PIPOX: variants seen among roughly 807,000 people sequenced by gnomAD.
The protein encoded by PIPOX is peroxisomal sarcosine oxidase.
PIPOX carries 45 observed loss-of-function variants against 47.9 expected under a neutral mutation model. The ratio of observed to expected loss-of-function variants is 0.94; its 90% confidence interval spans 0.74 to 1.20. The LOEUF (loss-of-function observed/expected upper bound fraction) is 1.20. Ranked by LOEUF, PIPOX falls within the 50% of genes most tolerant of loss-of-function variation. The probability of loss-of-function intolerance (pLI) is 0.00; values close to 1 mark genes in which losing one functional copy is unlikely to be tolerated. For synonymous variants in PIPOX, 165 were observed against 191.3 expected (o/e 0.86, Z 1.13); for missense variants, 458 against 498.4 (o/e 0.92, Z 0.77).
intron 2 of PIPOX, 47 bp downstream of exon 2, chr17:29,045,054 A>G (rs2065780158): frequency 2.0e-6 from 3 of 1,537,218 alleles, no homozygotes; most frequent in Non-Finnish European, 8.8e-7. Context: ...CTGCACCTGC[A>G]GGTACTTTTA....
chr17:29,054,762 C>T, intron 5 of PIPOX, 71 bp downstream of exon 5: 1 of 1,541,338 alleles, frequency 6.5e-7, no homozygotes, highest in Non-Finnish European at 8.9e-7. Flanking sequence ...TAACTTTCCC[C>T]TCCATAGATG....
rs1191382966 is a variant in PIPOX at position 29,055,155 on chromosome 17, C to A, written c.900C>A (p.Ser300Arg). The A allele has an allele frequency of 6.2e-7, 1 of 1,614,174 alleles. No homozygotes were observed. Among genetic ancestry groups the A allele is most frequent in the Non-Finnish European group, 8.5e-7 (1 of 1,180,038 alleles). ...TDIGDVQILS[S>R]FVRDHLPDLK... ...TCGGAGACGTCCAGATCCTGAGCAG[C>A]TTTGTCAGAGATCACTTACCTGATC... The change falls in exon 6 of 8, where the codon AGC becomes AGA. Residue 300 changes from serine (S) to arginine (R), a missense_variant. Ser to Arg is a moderately radical substitution (Grantham distance 110). Coordinates refer to ENST00000323372, the MANE Select transcript of PIPOX (RefSeq NM_016518.3).
Position 29,054,643 on chromosome 17 carries a change from C to G in PIPOX, c.759C>G (p.Pro253=). ...FPCFLWLGLC[P]HHIYGLPTGE... is the part of the protein sequence containing the mutation. ...GCTTCCTGTGGCTGGGCTTGTGTCC[C>G]CACCACATCTACGGACTGCCCACAG... The change falls in exon 5 of 8, where the codon CCC becomes CCG. Residue 253 remains proline (P), a synonymous_variant. Transcript: ENST00000323372. The G allele has an allele frequency of 6.2e-7, 1 of 1,614,178 alleles. No individual in the cohort carries two copies. The highest frequency in any genetic ancestry group is 8.5e-7 in the Non-Finnish European group (1 of 1,180,026).
intron 2 of PIPOX, among the ~76,000 whole-genome samples, chr17:29,052,420 A>C (rs1339166269): frequency 6.6e-6 from 1 of 152,252 alleles, no homozygotes; most frequent in Non-Finnish European, 1.5e-5. Context: ...AATGGGCTGG[A>C]AATCAGCATG....
chr17:29,047,386 T>C (rs1356704994), intron 2 of PIPOX, among the ~76,000 whole-genome samples: 2 of 152,218 alleles, frequency 1.3e-5, no homozygotes, highest in African/African-American at 4.8e-5. Context: ...CTCACAATCT[T>C]ATGAGAGGGT....
intron 2 of PIPOX, among the ~76,000 whole-genome samples, chr17:29,050,835 A>AAAAAAG (rs532740213): frequency 1.3e-5 from 2 of 151,344 alleles, no homozygotes. Context: ...CATTAAAAAA[A>AAAAAAG]AAAAAGAAAA....
chr17:29,052,777 C>T, intron 2 of PIPOX, 143 bp from the exon 3 acceptor site: 1 of 693,276 alleles, frequency 1.4e-6, no homozygotes, highest in Non-Finnish European at 2.5e-6. Context: ...TGATATTGCC[C>T]AGGCTGCTAG....
At chr17:29,048,242 T>C (rs1426121247) in intron 2 of PIPOX, among the ~76,000 whole-genome samples, 1 of 152,238 alleles carries the variant, frequency 6.6e-6, no homozygotes, top group Non-Finnish European at 1.5e-5. Flanking sequence ...ATTCATCATC[T>C]GTGTGGTTCT....
chr17:29,050,417 G>A (rs970916011), intron 2 of PIPOX, among the ~76,000 whole-genome samples: 57 of 150,506 alleles, frequency 3.8e-4, no homozygotes, highest in African/African-American at 1.0e-3. Flanking sequence ...TACTAGGGCC[G>A]GGCACAGTGG....
At chr17:29,046,564 A>T in intron 2 of PIPOX, 1 of 981,408 alleles carries the variant, frequency 1.0e-6, no homozygotes, top group East Asian at 1.1e-4. Flanking sequence ...AATAAGGGGC[A>T]GTCCCTTATT....
At position 29,056,321 on chromosome 17, in the gene PIPOX, C is replaced by T. The variant is rs2065828275; in HGVS notation, c.*16C>T. The stretch of plus-strand genomic sequence containing the variant: ...CCACCTTTGACCTCTGGCCAGAAGC[C>T]TCCCTTCTGTGCACAGGAGCCAGTT... On this transcript the variant is annotated 3_prime_UTR_variant, in exon 8 of 8. Transcript: ENST00000323372. 1.9e-6 allele frequency: 3 copies of T among 1,614,072 alleles called. No individual in the cohort carries two copies. Among genetic ancestry groups the T allele is most frequent in the South Asian group, 1.1e-5 (1 of 91,090 alleles).
intron 2 of PIPOX, among the ~76,000 whole-genome samples, chr17:29,047,129 ATACAAAAAG>A (rs2065788428): frequency 6.6e-6 from 1 of 152,148 alleles, no homozygotes; most frequent in South Asian, 2.1e-4. Context: ...TCTACTAAAA[ATACAAAAAG>A]TAGCCAGGCA....
rs552243129 is a variant in PIPOX, at chr17:29,051,319, A to G, written c.264-1601A>G. Among the ~76,000 whole-genome samples, 75 of 152,248 alleles carry G rather than the reference A, an allele frequency of 4.9e-4. No homozygotes were observed. In the South Asian group the frequency reaches 0.015, roughly 30 times the overall value. ...TGCTGGGTAGGCGGGGGCCATGGCA[A>G]ATGGATTGGGCACGCTGCGCGGCTC... On this transcript the variant is annotated intron_variant, in intron 2 of 7. Transcript: ENST00000323372.
rs1428880697 is a variant in PIPOX at position 29,053,569 on chromosome 17, C to T, written c.634C>T (p.Pro212Ser). The change falls in exon 4 of 8, where the codon CCC (proline) becomes TCC (serine). Residue 212 changes from proline to serine, a missense_variant. Coordinates refer to ENST00000323372, the MANE Select transcript of PIPOX (RefSeq NM_016518.3). ...AGPWTNQLLR[P>S]LGIEMPLQTL... is the part of the protein sequence containing the mutation. ...TCCTTGGACCAACCAGCTCCTCCGTCCCCTGGGCATTGAGATGCCTCTCCA... is the reference window on the plus strand; with the variant it reads ...TCCTTGGACCAACCAGCTCCTCCGTTCCCTGGGCATTGAGATGCCTCTCCA... 6.3e-7 allele frequency: 1 copy of T among 1,598,596 alleles called. No homozygotes were observed. The highest frequency in any genetic ancestry group is 1.1e-5 in the South Asian group (1 of 90,512).
chr17:29,054,081 C>T (rs1442893614), intron 4 of PIPOX, among the ~76,000 whole-genome samples: 2 of 151,944 alleles, frequency 1.3e-5, no homozygotes, highest in Non-Finnish European at 2.9e-5. Context: ...ACTTGGGAGG[C>T]TGAGCCCAGG....
intron 2 of PIPOX, among the ~76,000 whole-genome samples, chr17:29,051,047 G>T (rs114416061): frequency 0.025 from 3,777 of 151,928 alleles, 136 homozygotes; most frequent in African/African-American, 0.074. Flanking sequence ...GCTTACACCC[G>T]GGGGCAGAGG....
At chr17:29,055,302 G>A (rs1356452870) in intron 6 of PIPOX, 81 bp downstream of exon 6, 3 of 1,528,990 alleles carry the variant, frequency 2.0e-6, no homozygotes, top group Non-Finnish European at 2.7e-6. Context: ...CACTGGCCAG[G>A]CCCGATTGTT....
In PIPOX at chr17:29,057,111, C is replaced by T. The variant is rs985416922; in HGVS notation, c.*806C>T. The T allele has an allele frequency of 6.6e-6, 1 of 152,280 alleles. No homozygotes were observed. Among genetic ancestry groups the T allele is most frequent in the South Asian group, 2.1e-4 (1 of 4,824 alleles). 9.4% of individuals were successfully genotyped at this position (152,280 alleles called of 1,614,324 possible). A position where few individuals can be genotyped will look rare whatever the true frequency, so the allele number is the denominator to read the frequency against. On this transcript the variant is annotated 3_prime_UTR_variant, in exon 8 of 8. Transcript: ENST00000323372. ...AGAGATCACTACTGCTCTTGGAGTT[C>T]CTTCTCCTAAAGCTAAGGCCAGCCT...
intron 6 of PIPOX, 123 bp from the exon 7 acceptor site, chr17:29,055,690 T>C: frequency 1.2e-6 from 1 of 841,426 alleles, no homozygotes; most frequent in Non-Finnish European, 2.0e-6. Context: ...GCGGAAAGCA[T>C]CCTTGTGCCT....
Sources: allele counts gnomAD v4.1 joint callset (sites outside exome capture counted in the v4.1 genomes callset), GRCh38; gene constraint gnomAD v4.1.1; transcripts MANE v1.5; gene names NCBI Gene and HGNC (gene_info 2026-07-23, HGNC 2026-07-21).